The following CDKL5 variants were observed in gnomAD, a reference collection of about 807,000 sequenced individuals.
CDKL5 encodes the protein cyclin dependent kinase like 5, also known as cyclin-dependent kinase-like 5.
Under a neutral mutation model 61.7 loss-of-function variants are expected in CDKL5, and 8 were observed. The observed-to-expected ratio is 0.13, with a 90% CI of 0.08 to 0.23. The LOEUF (loss-of-function observed/expected upper bound fraction) is 0.23, where lower values mean the gene tolerates loss of function less well. Ranked by LOEUF, CDKL5 falls within the 10% of genes least tolerant of loss-of-function variation. The probability of loss-of-function intolerance (pLI) is 1.00; values close to 1 mark genes in which losing one functional copy is unlikely to be tolerated. For synonymous variants in CDKL5, 275 were observed against 272.3 expected (o/e 1.01, Z -0.10); for missense variants, 440 against 734.5 (o/e 0.60, Z 4.63).
In CDKL5 at chrX:18,620,089, C is replaced by T; in HGVS notation, c.2376+123C>T. The T allele has an allele frequency of 1.3e-5, 6 of 477,965 alleles. No homozygotes were observed. In the South Asian group the frequency reaches 1.9e-4, roughly 15 times the overall value. The allele number at this position is 477,965 out of a possible 1,213,427, so 39.4% of individuals were successfully genotyped here. On this transcript the variant is annotated intron_variant, in intron 16 of 17. Coordinates refer to ENST00000623535, the MANE Select transcript of CDKL5 (RefSeq NM_001323289.2). ...CTTATTGAGACTTGACATTTTTGCACTGTATTATGTCTCTTTCTGAAATTC... is the reference window on the plus strand; with the variant it reads ...CTTATTGAGACTTGACATTTTTGCATTGTATTATGTCTCTTTCTGAAATTC...
intron 11 of CDKL5, 65 bp from the exon 12 acceptor site, chrX:18,603,837 T>G: frequency 8.7e-7 from 1 of 1,147,298 alleles, no homozygotes; most frequent in Admixed American, 2.2e-5. Context: ...TCTTTCTTTT[T>G]AACAATACTT....
intron 1 of CDKL5, among the ~76,000 whole-genome samples, chrX:18,495,573 A>G (rs1922138519): frequency 8.9e-6 from 1 of 112,037 alleles, no homozygotes; most frequent in Non-Finnish European, 1.9e-5. Flanking sequence ...CATCTAGTTT[A>G]GTACAGGATT....
Position 18,625,141 on chromosome X carries a change from A to T in CDKL5, c.2390A>T (p.Asp797Val). 1 of 1,208,443 alleles carries T rather than the reference A, an allele frequency of 8.3e-7. No homozygotes were observed. The highest frequency in any genetic ancestry group is 1.1e-6 in the Non-Finnish European group (1 of 893,736). The change falls in exon 17 of 18, where the codon GAC becomes GTC. Residue 797 changes from aspartate to valine, a missense_variant. Asp to Val is a radical substitution (Grantham distance 152). Around this residue, in one of 2 missense-constraint regions of CDKL5, gnomAD observed 363 missense variants for 516.3 expected, o/e 0.70. Coordinates refer to ENST00000623535, the MANE Select transcript of CDKL5 (RefSeq NM_001323289.2). ...KKKSQTVPNS[D>V]SPDLLTLQKS... ...ATTTTGCTCTAGGTACCCAATTCCGACAGCCCTGATCTTCTGACGTTGCAG... is the reference window on the plus strand; with the variant it reads ...ATTTTGCTCTAGGTACCCAATTCCGTCAGCCCTGATCTTCTGACGTTGCAG...
chrX:18,598,743 T>C, intron 11 of CDKL5, 130 bp downstream of exon 11: 1 of 636,468 alleles, frequency 1.6e-6, no homozygotes, highest in East Asian at 3.4e-5. Context: ...ATCTTCCTTA[T>C]GCTTATTGCA....
intron 3 of CDKL5, among the ~76,000 whole-genome samples, chrX:18,554,601 AG>A (rs1315399230): frequency 2.8e-5 from 3 of 109,084 alleles, no homozygotes; most frequent in Non-Finnish European, 5.7e-5. Flanking sequence ...TTTTTAGTAG[AG>A]ATGAGGTTTT....
At chrX:18,580,143 A>G (rs1433528962) in intron 6 of CDKL5, among the ~76,000 whole-genome samples, 175 bp downstream of exon 6, 3 of 112,450 alleles carry the variant, frequency 2.7e-5, no homozygotes, top group African/African-American at 9.7e-5. Flanking sequence ...CTCCTTTTCT[A>G]TCACCAAAAG....
chrX:18,471,144 G>T (rs1040790040), intron 1 of CDKL5, among the ~76,000 whole-genome samples: 8 of 110,678 alleles, frequency 7.2e-5, no homozygotes, highest in Admixed American at 1.9e-4. Context: ...AGCATCTCAA[G>T]TCTTTTTTTT....
intron 3 of CDKL5, among the ~76,000 whole-genome samples, chrX:18,563,537 G>A (rs1924870105): frequency 9.0e-6 from 1 of 111,630 alleles, no homozygotes; most frequent in Non-Finnish European, 1.9e-5. Flanking sequence ...CCTTTAAGAA[G>A]TATCTTTTTC....
chrX:18,555,846 G>A (rs10521681), intron 3 of CDKL5, among the ~76,000 whole-genome samples: 7,403 of 112,004 alleles, frequency 0.066, 601 homozygotes, highest in African/African-American at 0.23. Context: ...TTGACTGATT[G>A]AAACGCTCTT....
chrX:18,645,881 G>A (rs1158841270), intron 19 of CDKL5: 11 of 1,104,859 alleles, frequency 1.0e-5, no homozygotes, highest in African/African-American at 1.8e-5. Context: ...CTTGCAACTA[G>A]ATGGGGCCCC....
At chrX:18,459,706 T>C (rs1430531306) in intron 1 of CDKL5, among the ~76,000 whole-genome samples, 120 of 77,020 alleles carry the variant, frequency 1.6e-3, no homozygotes, top group African/African-American at 5.5e-3. Context: ...TTCTTTTTTT[T>C]TTTTTTTTTT....
chrX:18,540,869 G>A (rs1923998120), intron 3 of CDKL5, among the ~76,000 whole-genome samples: 1 of 109,892 alleles, frequency 9.1e-6, no homozygotes, highest in Non-Finnish European at 1.9e-5. Flanking sequence ...TGTAATTTTT[G>A]GTATAGACGG....
intron 1 of CDKL5, among the ~76,000 whole-genome samples, chrX:18,426,004 TCCCCTCAGCGGCGGGTCTGCGGCGTC>T (rs1416893071): frequency 6.6e-5 from 7 of 106,166 alleles, no homozygotes; most frequent in Middle Eastern, 4.5e-3. Flanking sequence ...CCCGCGGGGT[TCCCCTCAGCGGCGGGTCTGCGGCGTC>T]CCCGCCCCGC....
At chrX:18,537,256 A>G (rs189765445) in intron 3 of CDKL5, among the ~76,000 whole-genome samples, 211 of 112,055 alleles carry the variant, frequency 1.9e-3, no homozygotes, top group Non-Finnish European at 2.8e-3. Context: ...AAAACTCCTG[A>G]AACTTTTGAA....
chrX:18,554,564 C>T (rs1194999179), intron 3 of CDKL5, among the ~76,000 whole-genome samples: 1 of 108,098 alleles, frequency 9.3e-6, no homozygotes, highest in Non-Finnish European at 1.9e-5. Context: ...TACAGGCCCT[C>T]ACCACCACGC....
chrX:18,559,325 C>T (rs771218301), intron 3 of CDKL5, among the ~76,000 whole-genome samples: 2 of 111,948 alleles, frequency 1.8e-5, no homozygotes, highest in South Asian at 7.5e-4. Flanking sequence ...TCTCCTGCCT[C>T]AGCCTCCCAA....
chrX:18,598,435 TA>T lies in CDKL5; in HGVS notation c.826-25del, dbSNP rs1237678494. On this transcript the variant is annotated intron_variant, in intron 10 of 17. Coordinates refer to ENST00000623535, the MANE Select transcript of CDKL5 (RefSeq NM_001323289.2). ...CTTAAATTTGACTTTGTAATGTTCTTAACGATCCTAAATTTTATTTCCTAAG... is the reference window on the plus strand; with the variant it reads ...CTTAAATTTGACTTTGTAATGTTCTTACGATCCTAAATTTTATTTCCTAAG... 3 of 1,176,341 alleles carry T rather than the reference TA, an allele frequency of 2.6e-6. No individual in the cohort carries two copies. In the African/African-American group the frequency reaches 5.3e-5, roughly 21 times the overall value.
chrX:18,607,398 T>C (rs777308565), intron 12 of CDKL5, among the ~76,000 whole-genome samples: 23 of 111,807 alleles, frequency 2.1e-4, no homozygotes, highest in African/African-American at 7.5e-4. Flanking sequence ...GAAAATTGGG[T>C]AAAATGTGCT....
intron 6 of CDKL5, among the ~76,000 whole-genome samples, chrX:18,581,540 A>G (rs183363923): frequency 1.4e-3 from 152 of 111,905 alleles, no homozygotes; most frequent in African/African-American, 4.6e-3. Context: ...TTATATTTCT[A>G]TCTCCAAAAA....
Sources: allele counts gnomAD v4.1 joint callset (sites outside exome capture counted in the v4.1 genomes callset), GRCh38; gene constraint gnomAD v4.1.1; regional missense constraint gnomAD v4.1.1; transcripts MANE v1.5; gene names NCBI Gene and HGNC (gene_info 2026-07-23, HGNC 2026-07-21).